The following WWOX variants were observed in gnomAD, a reference collection of about 807,000 sequenced individuals.
WWOX encodes WW domain-containing oxidoreductase.
Under a neutral mutation model 46.2 loss-of-function variants are expected in WWOX, and 69 were observed. That is an observed-to-expected ratio of 1.49 (90% CI 1.23 to 1.82). The LOEUF (loss-of-function observed/expected upper bound fraction) is 1.82, where lower values mean the gene tolerates loss of function less well. Among genes scored for constraint, WWOX ranks in the 40% most tolerant of loss-of-function variants. WWOX has a pLI of 0.00. For missense variants in WWOX, 919 were observed against 542.6 expected (o/e 1.69, Z -6.89); for synonymous variants, 359 against 202.6 (o/e 1.77, Z -6.56).
Position 78,161,334 on chromosome 16 carries a change from G to A in WWOX, c.410-2849G>A, listed in dbSNP as rs113760151. ...GTTTAAATATACCACCTTATTATTG[G>A]CTTCCTGTTAAGTTATTCTATATTC... On this transcript the variant is annotated intron_variant, in intron 4 of 8. Transcript: ENST00000566780. 9.6e-3 allele frequency among the ~76,000 whole-genome samples: 1,454 copies of A among 151,456 alleles called. 13 individuals are homozygous for A. Among genetic ancestry groups the A allele is most frequent in the Middle Eastern group, 0.021 (6 of 280 alleles).
chr16:79,092,670 G>A (rs944217637), intron 8 of WWOX, among the ~76,000 whole-genome samples: 12 of 152,208 alleles, frequency 7.9e-5, no homozygotes, highest in Non-Finnish European at 1.5e-4. Flanking sequence ...AATTGTGATG[G>A]AAACAGAGAC....
chr16:79,116,070 A>T (rs929656936), intron 8 of WWOX, among the ~76,000 whole-genome samples: 1 of 152,228 alleles, frequency 6.6e-6, no homozygotes, highest in Non-Finnish European at 1.5e-5. Flanking sequence ...TAAGAAAACA[A>T]TGTACATACC....
intron 8 of WWOX, among the ~76,000 whole-genome samples, chr16:78,540,039 C>T (rs1389936619): frequency 2.6e-5 from 4 of 151,642 alleles, no homozygotes; most frequent in Non-Finnish European, 5.9e-5. Flanking sequence ...CACACACACA[C>T]ACACACACAG....
intron 8 of WWOX, among the ~76,000 whole-genome samples, chr16:78,588,318 G>T (rs779693978): frequency 6.6e-6 from 1 of 152,162 alleles, no homozygotes; most frequent in Non-Finnish European, 1.5e-5. Context: ...GGATAATCTG[G>T]CTATTGCATT....
intron 8 of WWOX, among the ~76,000 whole-genome samples, chr16:78,582,950 A>G (rs988277925): frequency 1.3e-5 from 2 of 152,214 alleles, no homozygotes; most frequent in Non-Finnish European, 2.9e-5. Flanking sequence ...TTCTTGGGGC[A>G]TCACAGTCTC....
intron 8 of WWOX, among the ~76,000 whole-genome samples, chr16:78,558,561 C>A (rs74029558): frequency 0.021 from 3,176 of 152,308 alleles, 48 homozygotes; most frequent in African/African-American, 0.042. Context: ...AGGCCTGCTT[C>A]ACTCATTGTA....
intron 1 of WWOX, among the ~76,000 whole-genome samples, chr16:78,108,180 G>T (rs2032272248): frequency 6.6e-6 from 1 of 150,574 alleles, no homozygotes; most frequent in Non-Finnish European, 1.5e-5. Context: ...CTCCCCTAGG[G>T]CTCCCAAAGT....
chr16:78,814,807 C>T (rs1326464324), intron 8 of WWOX, among the ~76,000 whole-genome samples: 1 of 152,186 alleles, frequency 6.6e-6, no homozygotes, highest in African/African-American at 2.4e-5. Flanking sequence ...GAACTGTGGG[C>T]GTTGTCCCCA....
intron 8 of WWOX, among the ~76,000 whole-genome samples, chr16:78,812,762 G>C (rs951245234): frequency 5.3e-5 from 8 of 151,916 alleles, no homozygotes; most frequent in Non-Finnish European, 8.8e-5. Flanking sequence ...CAAAGGCCTT[G>C]ACTAATGCAG....
chr16:79,193,365 C>G (rs77756825), intron 8 of WWOX, among the ~76,000 whole-genome samples: 1 of 152,182 alleles, frequency 6.6e-6, no homozygotes, highest in African/African-American at 2.4e-5. Flanking sequence ...AGACTTCAGT[C>G]GATGTAGGGC....
chr16:78,989,253 G>A (rs58922016), intron 8 of WWOX, among the ~76,000 whole-genome samples: 6 of 152,074 alleles, frequency 3.9e-5, no homozygotes, highest in African/African-American at 1.5e-4. Flanking sequence ...GTGGTTCTAA[G>A]AATTCTAATT....
At chr16:78,176,710 C>G (rs924617219) in intron 5 of WWOX, among the ~76,000 whole-genome samples, 1 of 152,148 alleles carries the variant, frequency 6.6e-6, no homozygotes, top group Non-Finnish European at 1.5e-5. Context: ...TAAGTTATTA[C>G]TGAACTTTAA....
intron 8 of WWOX, among the ~76,000 whole-genome samples, chr16:78,871,317 G>A (rs1014973497): frequency 6.6e-6 from 1 of 152,072 alleles, no homozygotes; most frequent in African/African-American, 2.4e-5. Context: ...GAATAACCAT[G>A]TCACAGTGGC....
intron 8 of WWOX, among the ~76,000 whole-genome samples, chr16:78,974,610 A>T (rs559122329): frequency 3.3e-5 from 5 of 152,340 alleles, no homozygotes; most frequent in African/African-American, 1.2e-4. Context: ...ATTTAGCACA[A>T]ACCTAAATAT....
At position 79,139,033 on chromosome 16, in the gene WWOX, C is replaced by A. The variant is rs140907344; in HGVS notation, c.1057-72575C>A. On this transcript the variant is annotated intron_variant, in intron 8 of 8. Coordinates refer to ENST00000566780, the MANE Select transcript of WWOX (RefSeq NM_016373.4). ...CTCTCCTGAAATATTACAGAAACTG[C>A]CCTGAACGAAGATAGATGGTCCCCC... Among the ~76,000 whole-genome samples the A allele has an allele frequency of 4.5e-3, 678 of 152,226 alleles. 5 individuals carry two copies. The highest frequency in any genetic ancestry group is 0.015 in the African/African-American group (640 of 41,530).
At chr16:78,882,314 G>A (rs2044359682) in intron 8 of WWOX, among the ~76,000 whole-genome samples, 1 of 152,070 alleles carries the variant, frequency 6.6e-6, no homozygotes, top group African/African-American at 2.4e-5. Context: ...CATTGTTCCT[G>A]GAAAACAGGT....
At chr16:78,714,175 T>C (rs2048510253) in intron 8 of WWOX, among the ~76,000 whole-genome samples, 1 of 152,208 alleles carries the variant, frequency 6.6e-6, no homozygotes, top group Non-Finnish European at 1.5e-5. Flanking sequence ...TCAACATATA[T>C]GTCCTATATT....
At chr16:79,202,694 C>T (rs1020804528) in intron 8 of WWOX, 3 of 152,148 alleles carry the variant, frequency 2.0e-5, no homozygotes, top group East Asian at 1.9e-4. Flanking sequence ...TGTTAACAAA[C>T]GAGTTCAAGT....
At chr16:78,784,439 G>T (rs2050405860) in intron 8 of WWOX, among the ~76,000 whole-genome samples, 1 of 151,998 alleles carries the variant, frequency 6.6e-6, no homozygotes, top group Non-Finnish European at 1.5e-5. Flanking sequence ...CCGCTGGTGA[G>T]TGAAGTTCTT....
Sources: gnomAD v4.1 joint callset for allele counts (sites outside exome capture counted in the v4.1 genomes callset) on GRCh38, gnomAD v4.1.1 for gene constraint, MANE v1.5 for transcripts, NCBI Gene and HGNC (gene_info 2026-07-23, HGNC 2026-07-21) for gene names.